The following MAGI2 variants were observed in gnomAD, a reference collection of about 807,000 sequenced individuals.
MAGI2 encodes membrane associated guanylate kinase, WW and PDZ domain containing 2, also known as membrane-associated guanylate kinase, WW and PDZ domain-containing protein 2.
In MAGI2, 35 loss-of-function variants were observed where a neutral mutation model predicts 133.3. The observed-to-expected ratio is 0.26, with a 90% CI of 0.20 to 0.35. MAGI2 has a LOEUF of 0.35. Among genes scored for constraint, MAGI2 ranks in the 10% least tolerant of loss-of-function variants. The probability of loss-of-function intolerance (pLI) is 1.00; values close to 1 mark genes in which losing one functional copy is unlikely to be tolerated. For synonymous variants in MAGI2, 729 were observed against 710.6 expected, an observed-to-expected ratio of 1.03 and a Z score of -0.41; for missense variants, 1,636 against 1,863.4, an observed-to-expected ratio of 0.88 and a Z score of 2.25.
chr7:78,842,507 T>C (rs1792231992), intron 2 of MAGI2, among the ~76,000 whole-genome samples: 1 of 152,018 alleles, frequency 6.6e-6, no homozygotes, highest in South Asian at 2.1e-4. Context: ...AAATTAACTT[T>C]TACATATTAA....
intron 2 of MAGI2, among the ~76,000 whole-genome samples, chr7:78,655,763 C>T (rs1366125896): frequency 2.6e-5 from 4 of 151,742 alleles, no homozygotes; most frequent in South Asian, 4.2e-4. Context: ...GGGCGGATCA[C>T]GAGGTCAGGA....
chr7:78,541,718 GA>G (rs1430488372), intron 3 of MAGI2, among the ~76,000 whole-genome samples: 1 of 152,192 alleles, frequency 6.6e-6, no homozygotes, highest in Non-Finnish European at 1.5e-5. Context: ...TAGGTCATTA[GA>G]ATGCACGTTA....
At chr7:78,488,751 AT>A (rs1243751404) in intron 6 of MAGI2, among the ~76,000 whole-genome samples, 1 of 152,080 alleles carries the variant, frequency 6.6e-6, no homozygotes, top group African/African-American at 2.4e-5. Flanking sequence ...CTAATTTTTA[AT>A]TTAACTCAGT....
At chr7:78,541,388 G>A (rs191437922) in intron 3 of MAGI2, among the ~76,000 whole-genome samples, 1 of 152,116 alleles carries the variant, frequency 6.6e-6, no homozygotes, top group Non-Finnish European at 1.5e-5. Flanking sequence ...TCCTCAAAAG[G>A]AGCCATTTAT....
intron 15 of MAGI2, among the ~76,000 whole-genome samples, chr7:78,162,430 C>A (rs1426632816): frequency 6.8e-6 from 1 of 147,944 alleles, no homozygotes; most frequent in Non-Finnish European, 1.5e-5. Context: ...GAGGCTGAGG[C>A]AGGAGAATTG....
chr7:78,154,393 A>G (rs1461502415), intron 16 of MAGI2, among the ~76,000 whole-genome samples: 2 of 152,250 alleles, frequency 1.3e-5, no homozygotes, highest in African/African-American at 2.4e-5. Flanking sequence ...GCGAGGAGCC[A>G]GCAGCGTGCT....
At chr7:78,378,342 C>T (rs545125448) in intron 6 of MAGI2, among the ~76,000 whole-genome samples, 22 of 152,026 alleles carry the variant, frequency 1.4e-4, no homozygotes, top group Non-Finnish European at 2.9e-4. Flanking sequence ...ATACATAAAA[C>T]TGTGATCCAA....
At chr7:79,404,934 G>A (rs539376402) in intron 1 of MAGI2, among the ~76,000 whole-genome samples, 2 of 152,270 alleles carry the variant, frequency 1.3e-5, no homozygotes, top group South Asian at 4.1e-4. Flanking sequence ...GAGATCTTTA[G>A]TATGGTTGGA....
chr7:79,391,851 T>C (rs555351727), intron 1 of MAGI2, among the ~76,000 whole-genome samples: 1 of 151,808 alleles, frequency 6.6e-6, no homozygotes, highest in South Asian at 2.1e-4. Flanking sequence ...ACCCGGCTAA[T>C]TTTTTTGTAT....
intron 1 of MAGI2, among the ~76,000 whole-genome samples, chr7:79,379,781 C>A (rs1426698411): frequency 6.7e-6 from 1 of 149,254 alleles, no homozygotes; most frequent in Admixed American, 6.7e-5. Context: ...TTCTGTTTAT[C>A]TTTTATAACT....
intron 3 of MAGI2, among the ~76,000 whole-genome samples, chr7:78,547,585 A>G (rs370634327): frequency 2.6e-5 from 4 of 152,372 alleles, no homozygotes; most frequent in African/African-American, 9.6e-5. Flanking sequence ...GCTGGAGCCT[A>G]TCCCACAAGC....
At chr7:78,983,791 C>T (rs113227630) in intron 2 of MAGI2, among the ~76,000 whole-genome samples, 12 of 151,892 alleles carry the variant, frequency 7.9e-5, no homozygotes, top group African/African-American at 2.9e-4. Flanking sequence ...TGCAACTCTC[C>T]ATCTAAAATT....
At chr7:79,441,772 A>G (rs1487877024) in intron 1 of MAGI2, among the ~76,000 whole-genome samples, 1 of 152,148 alleles carries the variant, frequency 6.6e-6, no homozygotes, top group African/African-American at 2.4e-5. Flanking sequence ...TTCTCACCAA[A>G]GCAATGCCAG....
chr7:78,102,729 C>T (rs1818311573), intron 20 of MAGI2, among the ~76,000 whole-genome samples: 1 of 152,146 alleles, frequency 6.6e-6, no homozygotes, highest in Non-Finnish European at 1.5e-5. Flanking sequence ...AAGCACACTA[C>T]CTAACAATAT....
chr7:78,489,894 T>G, intron 5 of MAGI2, 54 bp from the exon 6 acceptor site: 3 of 1,249,812 alleles, frequency 2.4e-6, no homozygotes, highest in Non-Finnish European at 3.2e-6. Flanking sequence ...GAATCAAGTT[T>G]ATTCCTTAAG....
chr7:78,824,127 G>A (rs1428440868), intron 2 of MAGI2, among the ~76,000 whole-genome samples: 1 of 152,104 alleles, frequency 6.6e-6, no homozygotes, highest in Non-Finnish European at 1.5e-5. Flanking sequence ...AGTGCCTGCT[G>A]GATGTTACAT....
intron 2 of MAGI2, among the ~76,000 whole-genome samples, chr7:78,968,311 A>G (rs1381006012): frequency 6.6e-6 from 1 of 152,050 alleles, no homozygotes; most frequent in Non-Finnish European, 1.5e-5. Context: ...TTTGATAGAA[A>G]TTGCATTAAA....
chr7:78,192,223 A>AT (rs1202558368), intron 12 of MAGI2, among the ~76,000 whole-genome samples: 15 of 152,124 alleles, frequency 9.9e-5, no homozygotes, highest in East Asian at 1.9e-4. Context: ...GGTTGCACTG[A>AT]TTTTTCCCCC....
chr7:79,212,431 CA>C lies in MAGI2; in HGVS notation c.302-205226del, dbSNP rs570180732. On this transcript the variant is annotated intron_variant, in intron 1 of 21. Transcript: ENST00000354212. The stretch of plus-strand genomic sequence containing the variant: ...TAAAAGATACTGCAAAATAATTTTC[CA>C]AAAATTTGGCATCAATTCACCTCCC... Among the ~76,000 whole-genome samples the C allele has an allele frequency of 8.5e-5, 13 of 152,116 alleles. 1 individual carries two copies. The highest frequency in any genetic ancestry group is 2.4e-4 in the African/African-American group (10 of 41,458).
Sources: allele counts gnomAD v4.1 joint callset (sites outside exome capture counted in the v4.1 genomes callset), GRCh38; gene constraint gnomAD v4.1.1; transcripts MANE v1.5; gene names NCBI Gene and HGNC (gene_info 2026-07-23, HGNC 2026-07-21).